Variants in ZFHX3 observed in about 807,000 individuals in gnomAD.
ZFHX3 encodes the protein zinc finger homeobox 3, also known as zinc finger homeobox protein 3.
ZFHX3 carries 42 observed loss-of-function variants against 279.1 expected under a neutral mutation model. The observed-to-expected ratio is 0.15, with a 90% CI of 0.12 to 0.19. The LOEUF (loss-of-function observed/expected upper bound fraction) is 0.19. ZFHX3 is among the 10% of genes least tolerant of loss of function. The pLI, the probability that ZFHX3 is intolerant of heterozygous loss-of-function variation, is 1.00. For missense variants in ZFHX3, 4,981 were observed against 4,754.0 expected, an observed-to-expected ratio of 1.05 and a Z score of -1.40; for synonymous variants, 2,293 against 1,957.8, an observed-to-expected ratio of 1.17 and a Z score of -4.52.
intron 1 of ZFHX3, among the ~76,000 whole-genome samples, chr16:73,695,288 T>C (rs1407854137): frequency 6.8e-6 from 1 of 147,832 alleles, no homozygotes; most frequent in Non-Finnish European, 1.5e-5. Flanking sequence ...CAGGCTGGAG[T>C]GCAGTGGCGC....
intron 1 of ZFHX3, among the ~76,000 whole-genome samples, chr16:73,018,274 G>C (rs1261753616): frequency 2.0e-5 from 3 of 151,726 alleles, no homozygotes; most frequent in Non-Finnish European, 4.4e-5. Flanking sequence ...TGACAGGCGT[G>C]AGCATACACG....
intron 1 of ZFHX3, among the ~76,000 whole-genome samples, chr16:73,029,578 T>G (rs34841644): frequency 0.17 from 26,593 of 152,170 alleles, 2,498 homozygotes; most frequent in Admixed American, 0.3. Context: ...TCTGGAGTAT[T>G]AGAGAGAAAA....
At chr16:73,611,156 T>G (rs1389732295) in intron 2 of ZFHX3, among the ~76,000 whole-genome samples, 1 of 152,192 alleles carries the variant, frequency 6.6e-6, no homozygotes, top group African/African-American at 2.4e-5. Flanking sequence ...CAGTTTTGGT[T>G]TTTTTTGAGT....
At chr16:73,405,798 A>C (rs115675920) in intron 3 of ZFHX3, among the ~76,000 whole-genome samples, 1,870 of 152,372 alleles carry the variant, frequency 0.012, 39 homozygotes, top group African/African-American at 0.042. Context: ...TGTATGCTTA[A>C]AGTTTATTTT....
At chr16:73,764,536 T>C (rs1182530638) in intron 1 of ZFHX3, among the ~76,000 whole-genome samples, 1 of 151,994 alleles carries the variant, frequency 6.6e-6, no homozygotes, top group Non-Finnish European at 1.5e-5. Flanking sequence ...AGCGGCTCTG[T>C]AAACTGATTA....
chr16:73,181,234 G>A (rs1375499882), intron 5 of ZFHX3, among the ~76,000 whole-genome samples: 2 of 152,146 alleles, frequency 1.3e-5, no homozygotes, highest in African/African-American at 4.8e-5. Flanking sequence ...CTGAGTAGCT[G>A]GGATTACAGG....
At chr16:73,093,617 GAGA>G (rs1157484956) in intron 7 of ZFHX3, 2 of 503,700 alleles carry the variant, frequency 4.0e-6, no homozygotes, top group African/African-American at 1.9e-5. Flanking sequence ...AGACAGCACG[GAGA>G]AGGATGAGTG....
At chr16:73,404,631 T>A (rs528242913) in intron 3 of ZFHX3, among the ~76,000 whole-genome samples, 1 of 152,228 alleles carries the variant, frequency 6.6e-6, no homozygotes, top group Admixed American at 6.5e-5. Context: ...TCACATCTTA[T>A]ACATGTCTCA....
intron 4 of ZFHX3, among the ~76,000 whole-genome samples, chr16:73,304,323 T>C (rs1009386301): frequency 3.9e-5 from 6 of 152,308 alleles, no homozygotes; most frequent in Admixed American, 1.3e-4. Context: ...TGGGTGACTT[T>C]GGAACAATAG....
chr16:73,584,037 G>T (rs1198647173), intron 2 of ZFHX3, among the ~76,000 whole-genome samples: 1 of 152,090 alleles, frequency 6.6e-6, no homozygotes, highest in East Asian at 1.9e-4. Flanking sequence ...TCAAAAAACA[G>T]GCTAAAGAGC....
intron 2 of ZFHX3, among the ~76,000 whole-genome samples, chr16:73,521,155 A>G (rs569027012): frequency 6.6e-6 from 1 of 152,278 alleles, no homozygotes; most frequent in South Asian, 2.1e-4. Context: ...AGCTTAAACT[A>G]TGTCTTGTTG....
At chr16:72,993,630 AC>A (rs931019083) in intron 1 of ZFHX3, among the ~76,000 whole-genome samples, 7 of 151,672 alleles carry the variant, frequency 4.6e-5, no homozygotes, top group Non-Finnish European at 7.4e-5. Context: ...TCCTAAGAAA[AC>A]CCTTTATTTT....
chr16:73,031,555 AT>A (rs1489071596), intron 1 of ZFHX3, among the ~76,000 whole-genome samples: 8 of 152,184 alleles, frequency 5.3e-5, no homozygotes, highest in Non-Finnish European at 1.2e-4. Flanking sequence ...GCTGTTTTGC[AT>A]TTCGTGGAGA....
intron 2 of ZFHX3, among the ~76,000 whole-genome samples, chr16:73,489,872 G>C (rs542074465): frequency 6.6e-6 from 1 of 152,152 alleles, no homozygotes; most frequent in Admixed American, 6.5e-5. Context: ...CAAGAGTGGA[G>C]ATTAGTCACT....
At chr16:73,780,413 G>C (rs561785154) in intron 1 of ZFHX3, among the ~76,000 whole-genome samples, 3 of 150,384 alleles carry the variant, frequency 2.0e-5, no homozygotes, top group African/African-American at 7.3e-5. Context: ...CTCCCAAAGT[G>C]TTGAGTTTAT....
intron 2 of ZFHX3, among the ~76,000 whole-genome samples, chr16:73,510,571 G>A (rs917406476): frequency 6.6e-6 from 1 of 152,162 alleles, no homozygotes. Context: ...TACAAAGTTA[G>A]GAAAATTACG....
intron 7 of ZFHX3, among the ~76,000 whole-genome samples, chr16:73,109,807 C>G (rs1024673908): frequency 1.9e-4 from 29 of 151,904 alleles, no homozygotes; most frequent in Admixed American, 1.7e-3. Flanking sequence ...CAAGATCAAA[C>G]CACTGTACTC....
At chr16:73,152,528 T>C (rs1259506442) in intron 5 of ZFHX3, among the ~76,000 whole-genome samples, 3 of 151,958 alleles carry the variant, frequency 2.0e-5, no homozygotes, top group Non-Finnish European at 4.4e-5. Flanking sequence ...ATTTAAATGA[T>C]AACTAAAGAA....
intron 1 of ZFHX3, among the ~76,000 whole-genome samples, chr16:73,012,239 CG>C (rs146186409): frequency 0.055 from 8,422 of 152,250 alleles, 281 homozygotes; most frequent in Non-Finnish European, 0.073. Flanking sequence ...AGCTCCACAG[CG>C]CCTCTCCATG....
Sources: gnomAD v4.1 joint callset for allele counts (sites outside exome capture counted in the v4.1 genomes callset) on GRCh38, gnomAD v4.1.1 for gene constraint, MANE v1.5 for transcripts, NCBI Gene and HGNC (gene_info 2026-07-23, HGNC 2026-07-21) for gene names.